OSBPL9: variants seen among roughly 807,000 people sequenced by gnomAD.
The protein encoded by OSBPL9 is oxysterol-binding protein-related protein 9.
A neutral mutation model predicts 106.6 loss-of-function variants in OSBPL9; 40 were observed. That is an observed-to-expected ratio of 0.38 (90% CI 0.29 to 0.49). The LOEUF is 0.49. Among genes scored for constraint, OSBPL9 ranks in the 20% least tolerant of loss-of-function variants. OSBPL9 has a pLI of 0.97. For missense variants in OSBPL9, 609 were observed against 887.2 expected, an observed-to-expected ratio of 0.69 and a Z score of 3.98; for synonymous variants, 269 against 295.4, an observed-to-expected ratio of 0.91 and a Z score of 0.92.
chr1:51,711,498 G>A (rs1392226859), intron 3 of OSBPL9, among the ~76,000 whole-genome samples: 1 of 136,960 alleles, frequency 7.3e-6, no homozygotes, highest in African/African-American at 2.8e-5. Context: ...CGGGGCGGCT[G>A]GCCGGGCGGG....
At chr1:51,783,871 G>A (rs746087510) in intron 17 of OSBPL9, 44 bp from the exon 18 acceptor site, 2 of 1,382,618 alleles carry the variant, frequency 1.4e-6, no homozygotes, top group Non-Finnish European at 2.1e-6. Flanking sequence ...TTGGAGAGGT[G>A]GCTGTAGGTA....
At chr1:51,551,214 C>G in the OSBPL9 span, among the ~76,000 whole-genome samples, 13 of 152,190 alleles carry the variant, frequency 8.5e-5, no homozygotes, top group African/African-American at 2.9e-4. Context: ...TTTGCCTCCA[C>G]AATCCCAGTT....
At chr1:51,744,079 C>T (rs867655463) in intron 4 of OSBPL9, among the ~76,000 whole-genome samples, 19 of 151,574 alleles carry the variant, frequency 1.3e-4, no homozygotes, top group African/African-American at 4.6e-4. Flanking sequence ...AGACATTTAT[C>T]GCCTTTGAAT....
chr1:51,723,153 A>G (rs1240852729), intron 4 of OSBPL9, among the ~76,000 whole-genome samples: 2 of 152,164 alleles, frequency 1.3e-5, no homozygotes, highest in Non-Finnish European at 2.9e-5. Context: ...TTGACACATC[A>G]TTATCACTCA....
intron 1 of OSBPL9, among the ~76,000 whole-genome samples, chr1:51,581,476 A>G (rs1165543928): frequency 6.6e-6 from 1 of 152,200 alleles, no homozygotes; most frequent in African/African-American, 2.4e-5. Flanking sequence ...TTTAAAAGAA[A>G]GTCAATATGT....
intron 4 of OSBPL9, among the ~76,000 whole-genome samples, chr1:51,744,314 G>A (rs982603086): frequency 2.0e-5 from 3 of 152,112 alleles, no homozygotes; most frequent in Admixed American, 6.5e-5. Flanking sequence ...GAGGATGCCC[G>A]TATTTGGCTG....
chr1:51,518,809 A>G, the OSBPL9 span, among the ~76,000 whole-genome samples: 3 of 151,388 alleles, frequency 2.0e-5, no homozygotes, highest in Non-Finnish European at 4.4e-5. Context: ...CGCGAGCTCA[A>G]CAGGAGCTCA....
At chr1:51,535,114 G>C in the OSBPL9 span, among the ~76,000 whole-genome samples, 1 of 152,194 alleles carries the variant, frequency 6.6e-6, no homozygotes, top group Admixed American at 6.5e-5. Flanking sequence ...GGTAAATCAT[G>C]TGAAGGCCTT....
At chr1:51,630,553 C>T (rs1280842100) in intron 1 of OSBPL9, among the ~76,000 whole-genome samples, 2 of 152,094 alleles carry the variant, frequency 1.3e-5, no homozygotes, top group African/African-American at 4.8e-5. Context: ...AGGGCACTTA[C>T]CATGAATGAA....
chr1:51,787,483 A>T lies in OSBPL9; in HGVS notation c.2131A>T (p.Thr711Ser), dbSNP rs1255830902. The T allele has an allele frequency of 6.2e-7, 1 of 1,613,960 alleles. No homozygotes were observed. Among genetic ancestry groups the T allele is most frequent in the East Asian group, 2.2e-5 (1 of 44,882 alleles). Residue 711 changes from threonine (T) to serine (S), a missense_variant, in exon 23 of 24, where the codon ACA (threonine) becomes TCA (serine). Physicochemically the swap from Thr to Ser is moderately conservative, Grantham distance 58. Transcript: ENST00000428468. ...ERKEKEIQWE[T>S]RLFHEDGECW... ...GAAGGAGAAGGAAATTCAGTGGGAG[A>T]CAAGGGTAAGCTTGCCTGCCCCACC...
At chr1:51,651,485 C>T (rs1329145459) in intron 1 of OSBPL9, among the ~76,000 whole-genome samples, 1 of 152,130 alleles carries the variant, frequency 6.6e-6, no homozygotes, top group East Asian at 1.9e-4. Context: ...TGCCTGTAAT[C>T]CCAGCTACTC....
chr1:51,549,694 T>C, the OSBPL9 span, among the ~76,000 whole-genome samples: 1 of 152,104 alleles, frequency 6.6e-6, no homozygotes, highest in Admixed American at 6.6e-5. Flanking sequence ...TAGCCAGATG[T>C]GGTGGCACAC....
intron 3 of OSBPL9, among the ~76,000 whole-genome samples, chr1:51,711,412 G>A (rs1469822214): frequency 1.1e-4 from 16 of 146,876 alleles, no homozygotes; most frequent in African/African-American, 1.5e-4. Context: ...AGGGGCGGCC[G>A]GGTAGAGGCG....
At chr1:51,762,992 T>G (rs1671843298) in intron 11 of OSBPL9, among the ~76,000 whole-genome samples, 1 of 152,200 alleles carries the variant, frequency 6.6e-6, no homozygotes, top group Non-Finnish European at 1.5e-5. Flanking sequence ...CATTTTCTTT[T>G]TGTTTGTTTA....
intron 15 of OSBPL9, among the ~76,000 whole-genome samples, chr1:51,780,926 A>G (rs1676229555): frequency 6.6e-6 from 1 of 152,164 alleles, no homozygotes. Context: ...ATGTAACCAA[A>G]CACACCACCT....
At chr1:51,734,030 C>A (rs1244493424) in intron 4 of OSBPL9, among the ~76,000 whole-genome samples, 1 of 152,112 alleles carries the variant, frequency 6.6e-6, no homozygotes, top group Non-Finnish European at 1.5e-5. Context: ...AATATTATCT[C>A]TATTGTCCTT....
chr1:51,716,472 T>C (rs1346751803), intron 4 of OSBPL9, among the ~76,000 whole-genome samples: 1 of 152,206 alleles, frequency 6.6e-6, no homozygotes, highest in African/African-American at 2.4e-5. Context: ...GTAAACTTGC[T>C]AGAACTTGAT....
At chr1:51,567,980 G>A in the OSBPL9 span, 1 of 152,184 alleles carries the variant, frequency 6.6e-6, no homozygotes, top group Admixed American at 6.5e-5. Context: ...ATCAAATTTG[G>A]GATTATTTGA....
chr1:51,684,910 C>CTTTT (rs756783433), intron 3 of OSBPL9, among the ~76,000 whole-genome samples: 1 of 140,570 alleles, frequency 7.1e-6, no homozygotes. Context: ...CACTGCTCTT[C>CTTTT]TTCTTTTTTT....
Sources: gnomAD v4.1 joint callset for allele counts (sites outside exome capture counted in the v4.1 genomes callset) on GRCh38, gnomAD v4.1.1 for gene constraint, MANE v1.5 for transcripts, NCBI Gene and HGNC (gene_info 2026-07-23, HGNC 2026-07-21) for gene names.